The following XKR4 variants were observed in gnomAD, a reference collection of about 807,000 sequenced individuals.
XKR4 encodes the protein XK related 4.
A neutral mutation model predicts 53.9 loss-of-function variants in XKR4; 12 were observed. The ratio of observed to expected loss-of-function variants is 0.22; its 90% CI spans 0.14 to 0.36. The LOEUF (loss-of-function observed/expected upper bound fraction) is 0.36. Ranked by LOEUF, XKR4 falls within the 10% of genes least tolerant of loss-of-function variation. XKR4 has a pLI of 1.00. For missense variants in XKR4, 799 were observed against 859.5 expected (o/e 0.93, Z 0.88); for synonymous variants, 354 against 362.4 (o/e 0.98, Z 0.26).
chr8:55,524,445 C>T lies in XKR4; in HGVS notation c.*218C>T. ...TCTGACTCCACCTGAAAGAATGACG[C>T]TGGCTTAATAGGACTCTCCATTGCT... On this transcript the variant is annotated 3_prime_UTR_variant, in exon 3 of 3. Coordinates refer to ENST00000327381, the MANE Select transcript of XKR4 (RefSeq NM_052898.2). 1 of 585,180 alleles carries T rather than the reference C, an allele frequency of 1.7e-6. No homozygotes were observed. The highest frequency in any genetic ancestry group is 2.2e-5 in the South Asian group (1 of 46,022). The allele number at this position is 585,180 out of a possible 1,614,324, so 36.2% of individuals were successfully genotyped here.
intron 2 of XKR4, among the ~76,000 whole-genome samples, chr8:55,487,409 A>G: frequency 6.6e-6 from 1 of 152,110 alleles, no homozygotes; most frequent in East Asian, 1.9e-4. Flanking sequence ...TTGCCTCTGG[A>G]AACACCCTCA....
chr8:55,297,067 A>G (rs1158846674), intron 1 of XKR4, among the ~76,000 whole-genome samples: 2 of 151,790 alleles, frequency 1.3e-5, no homozygotes, highest in Non-Finnish European at 2.9e-5. Context: ...TCAAAAGCCT[A>G]TTCTGTGCTA....
intron 1 of XKR4, among the ~76,000 whole-genome samples, chr8:55,171,271 T>C (rs187592876): frequency 6.6e-6 from 1 of 152,292 alleles, no homozygotes; most frequent in East Asian, 1.9e-4. Context: ...GTGAGGCGTT[T>C]GATAGAAAAT....
Position 55,525,668 on chromosome 8 carries a change from C to T in XKR4, c.*1441C>T, listed in dbSNP as rs919441633. On this transcript the variant is annotated 3_prime_UTR_variant, in exon 3 of 3. Coordinates refer to ENST00000327381, the MANE Select transcript of XKR4 (RefSeq NM_052898.2). ...CGTTGCATTAAAAGTGCCGGTCAAA[C>T]TTTGATAGTATTTTTTTATAGTTGG... is the stretch of plus-strand genomic sequence containing the variant. 1 of 152,510 alleles carries T rather than the reference C, an allele frequency of 6.6e-6. No individual in the cohort carries two copies. Among genetic ancestry groups the T allele is most frequent in the South Asian group, 2.1e-4 (1 of 4,828 alleles). 9.4% of individuals were successfully genotyped at this position (152,510 alleles called of 1,614,324 possible). A position where few individuals can be genotyped will look rare whatever the true frequency, so the allele number is the denominator to read the frequency against.
At chr8:55,469,438 A>G (rs772587450) in intron 2 of XKR4, among the ~76,000 whole-genome samples, 1 of 151,996 alleles carries the variant, frequency 6.6e-6, no homozygotes, top group Non-Finnish European at 1.5e-5. Flanking sequence ...ATATTTTGCC[A>G]TTTCCTGCCT....
intron 1 of XKR4, among the ~76,000 whole-genome samples, chr8:55,299,175 G>A (rs958880898): frequency 6.6e-6 from 1 of 152,226 alleles, no homozygotes; most frequent in Admixed American, 6.5e-5. Context: ...CCAGCCAGTC[G>A]TTTTATAGAG....
At chr8:55,516,597 C>T (rs1585615511) in intron 2 of XKR4, among the ~76,000 whole-genome samples, 1 of 152,184 alleles carries the variant, frequency 6.6e-6, no homozygotes, top group South Asian at 2.1e-4. Context: ...CAAATGTACT[C>T]ATTCATTAAA....
chr8:55,449,914 G>T (rs887912796), intron 2 of XKR4: 3 of 872,294 alleles, frequency 3.4e-6, no homozygotes, highest in East Asian at 4.9e-5. Context: ...GCCAGATGCG[G>T]TCGAGCCTCT....
chr8:55,342,781 T>C (rs1443886357), intron 1 of XKR4, among the ~76,000 whole-genome samples: 1 of 152,232 alleles, frequency 6.6e-6, no homozygotes, highest in Non-Finnish European at 1.5e-5. Flanking sequence ...CCCGTGAAAC[T>C]CCTTACTTTC....
At chr8:55,461,081 C>T (rs948152048) in intron 2 of XKR4, among the ~76,000 whole-genome samples, 12 of 152,216 alleles carry the variant, frequency 7.9e-5, no homozygotes, top group African/African-American at 2.7e-4. Context: ...CAGCAATAAC[C>T]TCTGCAGACT....
rs572921983 is a variant in XKR4 at position 55,252,088 on chromosome 8, CTT to C, written c.807-105588_807-105587del. Among the ~76,000 whole-genome samples, 15 of 152,290 alleles carry C rather than the reference CTT, an allele frequency of 9.8e-5. No individual in the cohort carries two copies. The East Asian group carries it at 2.1e-3, about 22-fold the overall frequency. ...CCACCTTGGATTAGAATGGATAAAG[CTT>C]TGTAAAAATGTTATTCACCCTCCAA... On this transcript the variant is annotated intron_variant, in intron 1 of 2. Coordinates refer to ENST00000327381, the MANE Select transcript of XKR4 (RefSeq NM_052898.2).
chr8:55,371,112 C>T (rs994078629), intron 2 of XKR4, among the ~76,000 whole-genome samples: 3 of 150,378 alleles, frequency 2.0e-5, no homozygotes, highest in African/African-American at 4.9e-5. Flanking sequence ...GTAGCAATGC[C>T]ATGCTATTGA....
At chr8:55,323,250 G>A (rs1164922810) in intron 1 of XKR4, among the ~76,000 whole-genome samples, 1 of 152,082 alleles carries the variant, frequency 6.6e-6, no homozygotes, top group Non-Finnish European at 1.5e-5. Flanking sequence ...AGTTCTATGA[G>A]TTTTGACAAA....
chr8:55,431,849 T>C (rs982510192), intron 2 of XKR4, among the ~76,000 whole-genome samples: 6 of 152,236 alleles, frequency 3.9e-5, no homozygotes, highest in Admixed American at 1.3e-4. Context: ...TTTGTTGGGG[T>C]TACTCAACTG....
At chr8:55,434,913 G>T (rs1282782777) in intron 2 of XKR4, among the ~76,000 whole-genome samples, 1 of 152,156 alleles carries the variant, frequency 6.6e-6, no homozygotes. Context: ...GCCACGTGGG[G>T]TTCACCCTGC....
chr8:55,495,424 T>G lies in XKR4; in HGVS notation c.1007-27857T>G, dbSNP rs1806328195. On this transcript the variant is annotated intron_variant, in intron 2 of 2. Coordinates refer to ENST00000327381, the MANE Select transcript of XKR4 (RefSeq NM_052898.2). ...CTTGTCCCAGCTCCTGCTGGCTCCA[T>G]GGAGCATGAACCCCCAGCTGTGCTT... Among the ~76,000 whole-genome samples, 3 of 152,292 alleles carry G rather than the reference T, an allele frequency of 2.0e-5. No homozygotes were observed. In the South Asian group the frequency reaches 6.2e-4, roughly 32 times the overall value.
chr8:55,185,490 A>G (rs1034767845), intron 1 of XKR4, among the ~76,000 whole-genome samples: 2 of 152,232 alleles, frequency 1.3e-5, no homozygotes, highest in African/African-American at 4.8e-5. Context: ...TCTTTTAATA[A>G]TTGAGAGACA....
In XKR4 at chr8:55,357,778, A is replaced by G; in HGVS notation, c.907A>G (p.Ser303Gly). 1.2e-6 allele frequency: 2 copies of G among 1,614,140 alleles called. No individual in the cohort carries two copies. Among genetic ancestry groups the G allele is most frequent in the Non-Finnish European group, 1.7e-6 (2 of 1,180,026 alleles). Residue 303 changes from serine (S) to glycine (G), a missense_variant, in exon 2 of 3, where the codon AGT (serine) becomes GGT (glycine). By Grantham distance (56) the Ser-to-Gly change is moderately conservative. This residue lies in a region of XKR4 where 476 missense variants were observed against 505.4 expected (regional missense o/e 0.94). Transcript: ENST00000327381. ...WKMVYEYADV[S>G]MLHLLATFLE... ...AATGGTATATGAGTATGCGGATGTG[A>G]GTATGCTGCATTTGCTAGCCACCTT...
chr8:55,460,166 C>T lies in XKR4; in HGVS notation c.1007-63115C>T, dbSNP rs549717499. Among the ~76,000 whole-genome samples, 303 of 152,054 alleles carry T rather than the reference C, an allele frequency of 2.0e-3. 1 individual carries two copies. Among genetic ancestry groups the T allele is most frequent in the Middle Eastern group, 0.017 (5 of 294 alleles). On this transcript the variant is annotated intron_variant, in intron 2 of 2. Coordinates refer to ENST00000327381, the MANE Select transcript of XKR4 (RefSeq NM_052898.2). ...CAAAAATCTGGCAAATAAAGGAAAC[C>T]GTACGCAAAGACTACCTATTGTATT...
Sources: allele counts gnomAD v4.1 joint callset (sites outside exome capture counted in the v4.1 genomes callset), GRCh38; gene constraint gnomAD v4.1.1; regional missense constraint gnomAD v4.1.1; transcripts MANE v1.5; gene names NCBI Gene and HGNC (gene_info 2026-07-23, HGNC 2026-07-21).